QTMAN: variants seen among roughly 807,000 people sequenced by gnomAD.
QTMAN encodes the protein tRNA-queuosine alpha-mannosyltransferase.
the QTMAN span, among the ~76,000 whole-genome samples, chr2:144,284,074 T>C: frequency 1.3e-5 from 2 of 152,050 alleles, no homozygotes; most frequent in African/African-American, 4.8e-5. Context: ...TTACAAAGGA[T>C]ACTTTTAACT....
chr2:144,153,996 G>A, the QTMAN span, among the ~76,000 whole-genome samples: 49 of 152,158 alleles, frequency 3.2e-4, no homozygotes, highest in Non-Finnish European at 6.0e-4. Context: ...AATTCAAGTT[G>A]ATCTGGGCCT....
the QTMAN span, among the ~76,000 whole-genome samples, chr2:144,236,896 G>A: frequency 6.6e-6 from 1 of 151,866 alleles, no homozygotes; most frequent in Non-Finnish European, 1.5e-5. Context: ...AAAAAAAGGG[G>A]TGGGGTATAA....
chr2:144,162,081 T>A, the QTMAN span, among the ~76,000 whole-genome samples: 1 of 152,186 alleles, frequency 6.6e-6, no homozygotes, highest in Non-Finnish European at 1.5e-5. Flanking sequence ...AGGATCTGAA[T>A]AGACCTAACA....
chr2:144,232,925 A>G, the QTMAN span, among the ~76,000 whole-genome samples: 5 of 152,316 alleles, frequency 3.3e-5, no homozygotes, highest in South Asian at 6.2e-4. Flanking sequence ...TGGTAAACTT[A>G]AAAACACTTC....
At chr2:144,165,312 C>A in the QTMAN span, among the ~76,000 whole-genome samples, 1 of 151,836 alleles carries the variant, frequency 6.6e-6, no homozygotes, top group Admixed American at 6.6e-5. Context: ...AGAGGTTGCA[C>A]TGAACCAAGA....
chr2:144,316,954 T>C, the QTMAN span, among the ~76,000 whole-genome samples: 122 of 152,346 alleles, frequency 8.0e-4, no homozygotes, highest in African/African-American at 2.7e-3. Context: ...ATTGGGATAG[T>C]TGCACCTGTT....
At chr2:143,943,908 A>G in the QTMAN span, 1 of 152,252 alleles carries the variant, frequency 6.6e-6, no homozygotes, top group Non-Finnish European at 1.5e-5. Flanking sequence ...CCTAGCCAGA[A>G]GCATAGATTA....
At chr2:144,146,714 G>A in the QTMAN span, among the ~76,000 whole-genome samples, 1 of 152,032 alleles carries the variant, frequency 6.6e-6, no homozygotes, top group African/African-American at 2.4e-5. Flanking sequence ...GAGGGACAAA[G>A]TACAGGACTT....
chr2:144,215,297 C>CACACACACACACAT, the QTMAN span, among the ~76,000 whole-genome samples: 2 of 146,024 alleles, frequency 1.4e-5, no homozygotes, highest in African/African-American at 5.1e-5. Flanking sequence ...CACACACACA[C>CACACACACACACAT]ATATATATAT....
chr2:143,942,605 G>A, the QTMAN span: 6 of 167,204 alleles, frequency 3.6e-5, no homozygotes, highest in African/African-American at 1.4e-4. Context: ...CCCTTCAGAA[G>A]GGAGTTTAGA....
the QTMAN span, among the ~76,000 whole-genome samples, chr2:144,062,459 T>C: frequency 6.6e-6 from 1 of 152,208 alleles, no homozygotes; most frequent in African/African-American, 2.4e-5. Context: ...CCCTTGCTCA[T>C]AAATATTACC....
chr2:144,161,797 T>C, the QTMAN span, among the ~76,000 whole-genome samples: 5 of 152,202 alleles, frequency 3.3e-5, no homozygotes, highest in Non-Finnish European at 5.9e-5. Context: ...CACAGGCTAA[T>C]TCTTGGATAA....
the QTMAN span, among the ~76,000 whole-genome samples, chr2:144,174,122 T>C: frequency 5.3e-5 from 8 of 152,324 alleles, no homozygotes; most frequent in East Asian, 9.6e-4. Flanking sequence ...CCTTCTTAGA[T>C]GGTTCTTTCT....
chr2:143,938,749 C>G, the QTMAN span: 1 of 152,230 alleles, frequency 6.6e-6, no homozygotes, highest in East Asian at 1.9e-4. Context: ...TACCCACACC[C>G]CAAATAATAT....
At chr2:143,957,344 TA>T in the QTMAN span, 1 of 1,567,824 alleles carries the variant, frequency 6.4e-7, no homozygotes, top group Non-Finnish European at 8.6e-7. Flanking sequence ...AAATATCTTT[TA>T]AAAACAAGAA....
chr2:144,122,266 A>G, the QTMAN span, among the ~76,000 whole-genome samples: 1 of 152,226 alleles, frequency 6.6e-6, no homozygotes, highest in African/African-American at 2.4e-5. Context: ...TATGCAATTT[A>G]TAATTAATCT....
At chr2:144,092,540 T>C in the QTMAN span, among the ~76,000 whole-genome samples, 3 of 152,218 alleles carry the variant, frequency 2.0e-5, no homozygotes, top group Non-Finnish European at 4.4e-5. Flanking sequence ...GTTAAAAACA[T>C]AATCTAACAA....
chr2:144,314,789 A>G, the QTMAN span, among the ~76,000 whole-genome samples: 20 of 152,308 alleles, frequency 1.3e-4, no homozygotes, highest in African/African-American at 3.8e-4. Context: ...TGAAAGTGGG[A>G]TAGTTAACAT....
At chr2:144,242,941 G>A in the QTMAN span, among the ~76,000 whole-genome samples, 10 of 131,962 alleles carry the variant, frequency 7.6e-5, 1 homozygote, top group South Asian at 1.4e-3. Flanking sequence ...CAGCCTGGGC[G>A]ACAGAGCAAG....
Sources: allele counts gnomAD v4.1 joint callset (sites outside exome capture counted in the v4.1 genomes callset), GRCh38; gene constraint gnomAD v4.1.1; transcripts MANE v1.5; gene names NCBI Gene and HGNC (gene_info 2026-07-23, HGNC 2026-07-21).